SWT1: variants seen among roughly 807,000 people sequenced by gnomAD.
The protein encoded by SWT1 is transcriptional protein SWT1.
In SWT1, 33 loss-of-function variants were observed where a neutral mutation model predicts 107.3. That is an observed-to-expected ratio of 0.31 (90% CI 0.23 to 0.41). The LOEUF is 0.41. Ranked by LOEUF, SWT1 falls within the 10% of genes least tolerant of loss-of-function variation. The pLI, the probability that SWT1 is intolerant of heterozygous loss-of-function variation, is 1.00. For synonymous variants in SWT1, 345 were observed against 348.3 expected (o/e 0.99, Z 0.11); for missense variants, 898 against 1,028.9 (o/e 0.87, Z 1.74).
chr1:185,236,532 C>G (rs1178268234), intron 16 of SWT1, among the ~76,000 whole-genome samples: 1 of 152,176 alleles, frequency 6.6e-6, no homozygotes, highest in African/African-American at 2.4e-5. Flanking sequence ...AAAGCTGAAA[C>G]TGGATTCCTT....
intron 2 of SWT1, among the ~76,000 whole-genome samples, chr1:185,163,745 T>A (rs1654354088): frequency 1.3e-5 from 2 of 152,188 alleles, no homozygotes; most frequent in African/African-American, 2.4e-5. Flanking sequence ...ATTTTCAACC[T>A]CTACTTCAAA....
intron 10 of SWT1, among the ~76,000 whole-genome samples, chr1:185,198,987 G>T (rs1342531129): frequency 3.5e-4 from 53 of 150,520 alleles, no homozygotes; most frequent in Admixed American, 3.5e-3. Context: ...ATCCAGCCTG[G>T]AGTACAGTGG....
intron 13 of SWT1, 105 bp from the exon 14 acceptor site, chr1:185,214,402 T>C: frequency 1.2e-6 from 1 of 840,548 alleles, no homozygotes; most frequent in Non-Finnish European, 1.8e-6. Flanking sequence ...TAGGTATAAA[T>C]GTATACTCTT....
intron 15 of SWT1, among the ~76,000 whole-genome samples, chr1:185,225,763 A>G (rs996393415): frequency 2.6e-5 from 4 of 152,226 alleles, no homozygotes; most frequent in African/African-American, 9.6e-5. Flanking sequence ...ATTGCCCAGC[A>G]GTGCATTTCT....
In SWT1 at chr1:185,209,768, T is replaced by C. The variant is rs556622505; in HGVS notation, c.1972+3005T>C. 3.9e-5 allele frequency among the ~76,000 whole-genome samples: 6 copies of C among 152,346 alleles called. No individual in the cohort carries two copies. The East Asian group carries it at 9.6e-4, about 24-fold the overall frequency. ...AATGGGATTGCTGGGTCAAATGATATTTCTAGTTCTAGATCCTTGAGGAAT... is the reference window on the plus strand; with the variant it reads ...AATGGGATTGCTGGGTCAAATGATACTTCTAGTTCTAGATCCTTGAGGAAT... On this transcript the variant is annotated intron_variant, in intron 13 of 18. Transcript: ENST00000367500.
chr1:185,168,561 ATATT>A (rs1284996178), intron 4 of SWT1, among the ~76,000 whole-genome samples, 163 bp downstream of exon 4: 3 of 152,194 alleles, frequency 2.0e-5, no homozygotes, highest in African/African-American at 7.2e-5. Flanking sequence ...AATATTAACT[ATATT>A]TAAGAAAAAG....
intron 15 of SWT1, among the ~76,000 whole-genome samples, chr1:185,225,326 T>C (rs1024910685): frequency 6.6e-6 from 1 of 152,290 alleles, no homozygotes; most frequent in East Asian, 1.9e-4. Context: ...TAGTATCTTG[T>C]TGAGAATTTT....
intron 5 of SWT1, among the ~76,000 whole-genome samples, chr1:185,175,499 A>G (rs1655468127): frequency 6.6e-6 from 1 of 152,172 alleles, no homozygotes; most frequent in South Asian, 2.1e-4. Context: ...AAGTGCAGGG[A>G]TTACAGACGT....
chr1:185,201,998 G>C (rs763026229), intron 10 of SWT1, among the ~76,000 whole-genome samples: 1 of 151,972 alleles, frequency 6.6e-6, no homozygotes, highest in Non-Finnish European at 1.5e-5. Flanking sequence ...GGGTTAGTGT[G>C]ACCAAACTAC....
intron 16 of SWT1, among the ~76,000 whole-genome samples, chr1:185,242,541 TC>T (rs1203747169): frequency 6.6e-6 from 1 of 152,168 alleles, no homozygotes. Flanking sequence ...CCGCAGTTAT[TC>T]CCATCGCCCC....
intron 4 of SWT1, 61 bp from the exon 5 acceptor site, chr1:185,174,311 T>C: frequency 7.6e-7 from 1 of 1,314,624 alleles, no homozygotes; most frequent in Non-Finnish European, 1.0e-6. Context: ...CTAACTAAAA[T>C]GATAGAGTGC....
At chr1:185,254,918 A>G (rs1379008746) in intron 16 of SWT1, among the ~76,000 whole-genome samples, 2 of 151,790 alleles carry the variant, frequency 1.3e-5, no homozygotes, top group Non-Finnish European at 2.9e-5. Context: ...TGGGCATTTA[A>G]TGCTATAAAA....
rs765341440 is a variant in SWT1, at chr1:185,290,742, CTG to C, written c.2644_2645del (p.Val882LeufsTer11). ...TATACCATGCAGCAGTGCAATGCAT[CTG>C]TTTATATGGAGGCCAAAAACAGGGG... On this transcript the variant is annotated frameshift_variant, in exon 19 of 19. Transcript: ENST00000367500. LOFTEE classifies it high-confidence loss of function. 6.2e-7 allele frequency: 1 copy of C among 1,611,730 alleles called. No homozygotes were observed. Among genetic ancestry groups the C allele is most frequent in the Non-Finnish European group, 8.5e-7 (1 of 1,178,466 alleles).
chr1:185,253,670 A>T (rs1459578107), intron 16 of SWT1, among the ~76,000 whole-genome samples: 1 of 152,104 alleles, frequency 6.6e-6, no homozygotes, highest in African/African-American at 2.4e-5. Flanking sequence ...CCGCTTAAGG[A>T]GATTTTCGGC....
At chr1:185,212,814 A>AC (rs1658926739) in intron 13 of SWT1, among the ~76,000 whole-genome samples, 1 of 151,896 alleles carries the variant, frequency 6.6e-6, no homozygotes, top group South Asian at 2.1e-4. Flanking sequence ...AAAAAAAAAA[A>AC]AAAACTTCTT....
At chr1:185,220,395 AT>A (rs1558050694) in intron 14 of SWT1, among the ~76,000 whole-genome samples, 3 of 151,604 alleles carry the variant, frequency 2.0e-5, no homozygotes, top group African/African-American at 7.3e-5. Context: ...TCTCTTTCTT[AT>A]TCTTCTTCTC....
Position 185,174,535 on chromosome 1 carries a change from T to G in SWT1, c.388T>G (p.Phe130Val). 1 of 1,609,264 alleles carries G rather than the reference T, an allele frequency of 6.2e-7. No homozygotes were observed. Among genetic ancestry groups the G allele is most frequent in the Non-Finnish European group, 8.5e-7 (1 of 1,178,732 alleles). ...TKKDIHKCVD[F>V]KPKDIKLTNA... ...AAAAGACATACATAAATGTGTAGAC[T>G]TTAAACCTAAAGATATCAAATTGAC... The change falls in exon 5 of 19, where the codon TTT becomes GTT. Residue 130 changes from phenylalanine to valine, a missense_variant. Around this residue, in one of 6 missense-constraint regions of SWT1, gnomAD observed 382 missense variants for 362.4 expected, o/e 1.05. Transcript: ENST00000367500.
At chr1:185,272,064 C>T (rs1029625943) in intron 17 of SWT1, among the ~76,000 whole-genome samples, 1 of 152,116 alleles carries the variant, frequency 6.6e-6, no homozygotes, top group Admixed American at 6.5e-5. Context: ...GTTGTGACAA[C>T]CAAAAGTATT....
chr1:185,290,936 C>A lies in SWT1; in HGVS notation c.*133C>A. On this transcript the variant is annotated 3_prime_UTR_variant, in exon 19 of 19. Transcript: ENST00000367500. Reference sequence around the variant, plus strand: ...TTTCATAGGTATAAAAAGGTGATCGCCTATTACTGACAGTCTCATTGTAGC... The same window carrying A: ...TTTCATAGGTATAAAAAGGTGATCGACTATTACTGACAGTCTCATTGTAGC... 1.6e-6 allele frequency: 1 copy of A among 628,202 alleles called. No homozygotes were observed. Among genetic ancestry groups the A allele is most frequent in the Non-Finnish European group, 2.5e-6 (1 of 399,882 alleles). The allele number at this position is 628,202 out of a possible 1,614,324, so 38.9% of individuals were successfully genotyped here.
Sources: gnomAD v4.1 joint callset for allele counts (sites outside exome capture counted in the v4.1 genomes callset) on GRCh38, gnomAD v4.1.1 for gene constraint, gnomAD v4.1.1 regional missense constraint, MANE v1.5 for transcripts, NCBI Gene and HGNC (gene_info 2026-07-23, HGNC 2026-07-21) for gene names.